The following SPIDR variants were observed in gnomAD, a reference collection of about 807,000 sequenced individuals.
SPIDR encodes scaffold protein involved in DNA repair, also known as DNA repair-scaffolding protein.
A neutral mutation model predicts 104.6 loss-of-function variants in SPIDR; 93 were observed. The ratio of observed to expected loss-of-function variants is 0.89; its 90% CI spans 0.75 to 1.06. The LOEUF (loss-of-function observed/expected upper bound fraction) is 1.06, where lower values mean the gene tolerates loss of function less well. SPIDR is among the 50% of genes least tolerant of loss of function. The pLI, the probability that SPIDR is intolerant of heterozygous loss-of-function variation, is 0.00. For missense variants in SPIDR, 1,154 were observed against 1,111.2 expected (o/e 1.04, Z -0.55); for synonymous variants, 431 against 416.9 (o/e 1.03, Z -0.41).
chr8:47,701,436 G>A (rs2154483424), intron 12 of SPIDR, among the ~76,000 whole-genome samples: 1 of 152,144 alleles, frequency 6.6e-6, no homozygotes, highest in East Asian at 1.9e-4. Context: ...TCAAAAAAAA[G>A]CCATTTCTAG....
chr8:47,606,346 C>T (rs923888339), intron 10 of SPIDR, among the ~76,000 whole-genome samples: 6 of 150,570 alleles, frequency 4.0e-5, no homozygotes, highest in African/African-American at 7.3e-5. Flanking sequence ...GATGAAACCC[C>T]GTCTTTACTA....
At chr8:47,277,046 A>T (rs2036574902) in intron 1 of SPIDR, 1 of 150,402 alleles carries the variant, frequency 6.6e-6, no homozygotes, top group Admixed American at 6.7e-5. Context: ...CTCCTGCCTC[A>T]GCCTCCCGAG....
intron 5 of SPIDR, among the ~76,000 whole-genome samples, chr8:47,392,176 A>G (rs1181979888): frequency 6.6e-6 from 1 of 152,120 alleles, no homozygotes; most frequent in Non-Finnish European, 1.5e-5. Flanking sequence ...CTGCATCTCC[A>G]ATTTGAAGAT....
intron 8 of SPIDR, among the ~76,000 whole-genome samples, chr8:47,569,239 C>T (rs188026524): frequency 2.0e-5 from 3 of 152,120 alleles, no homozygotes; most frequent in South Asian, 2.1e-4. Context: ...TATATATACA[C>T]CTAACAAAGG....
intron 14 of SPIDR, among the ~76,000 whole-genome samples, chr8:47,702,442 C>G (rs2080435443): frequency 1.3e-5 from 2 of 152,110 alleles, no homozygotes; most frequent in South Asian, 4.1e-4. Flanking sequence ...ATCTCAGGAT[C>G]GAGCTCAGCT....
Position 47,729,405 on chromosome 8 carries a change from G to C in SPIDR, c.2551-7G>C, listed in dbSNP as rs1285436783. ...AGTTTAACCCAGCCCTGCTTCTGCT[G>C]TTGCAGCTGTTGCAGCGCAGCATTT... On this transcript the variant is annotated splice_polypyrimidine_tract_variant and splice_region_variant and intron_variant, in intron 18 of 19. Coordinates refer to ENST00000297423, the MANE Select transcript of SPIDR (RefSeq NM_001080394.4). 6.3e-7 allele frequency: 1 copy of C among 1,587,544 alleles called. No individual in the cohort carries two copies. Among genetic ancestry groups the C allele is most frequent in the Non-Finnish European group, 8.6e-7 (1 of 1,166,974 alleles).
At chr8:47,629,837 A>G (rs1199755752) in intron 10 of SPIDR, among the ~76,000 whole-genome samples, 1 of 152,268 alleles carries the variant, frequency 6.6e-6, no homozygotes, top group Non-Finnish European at 1.5e-5. Flanking sequence ...TAATCTATAT[A>G]AATAGGTAAA....
intron 5 of SPIDR, among the ~76,000 whole-genome samples, chr8:47,317,189 A>C (rs1298660799): frequency 1.3e-5 from 2 of 152,178 alleles, no homozygotes; most frequent in Non-Finnish European, 2.9e-5. Flanking sequence ...GGGTCAGGGA[A>C]TTCCCTTTCC....
intron 5 of SPIDR, among the ~76,000 whole-genome samples, chr8:47,356,608 C>G (rs2054599954): frequency 6.6e-6 from 1 of 152,152 alleles, no homozygotes; most frequent in African/African-American, 2.4e-5. Flanking sequence ...AAGTAGACTG[C>G]TCATTAACAA....
At chr8:47,712,093 A>G (rs999163627) in intron 14 of SPIDR, among the ~76,000 whole-genome samples, 1 of 152,262 alleles carries the variant, frequency 6.6e-6, no homozygotes, top group Non-Finnish European at 1.5e-5. Context: ...AAAGGGCAGA[A>G]TACCAGTCTA....
At chr8:47,314,897 A>T (rs1554588432) in intron 5 of SPIDR, among the ~76,000 whole-genome samples, 1 of 152,202 alleles carries the variant, frequency 6.6e-6, no homozygotes, top group African/African-American at 2.4e-5. Flanking sequence ...TCTACCAGAG[A>T]TGCATTTTAA....
chr8:47,512,411 T>C (rs921921275), intron 8 of SPIDR, among the ~76,000 whole-genome samples: 5 of 152,216 alleles, frequency 3.3e-5, no homozygotes, highest in African/African-American at 9.6e-5. Context: ...AGTCCAAAAG[T>C]GTTTTGAAGA....
At chr8:47,677,531 C>T (rs1278781581) in intron 11 of SPIDR, among the ~76,000 whole-genome samples, 6 of 152,118 alleles carry the variant, frequency 3.9e-5, no homozygotes, top group African/African-American at 1.4e-4. Context: ...TTCTGTAGGC[C>T]TCTTGAAGGG....
rs1374489471 is a variant in SPIDR at position 47,485,118 on chromosome 8, C to CGACG, written c.1097+44577_1097+44580dup. ...CCTAGCCAAGGGAAGCTGTGATAGA[C>CGACG]GACGCCTGGAAAATCGGGTCACTCC... On this transcript the variant is annotated intron_variant, in intron 8 of 19. Transcript: ENST00000297423. 3.3e-5 allele frequency among the ~76,000 whole-genome samples: 5 copies of CGACG among 152,186 alleles called. No individual in the cohort carries two copies. The East Asian group carries it at 9.6e-4, about 29-fold the overall frequency.
chr8:47,553,752 T>A (rs1398845219), intron 8 of SPIDR, among the ~76,000 whole-genome samples: 1 of 152,232 alleles, frequency 6.6e-6, no homozygotes, highest in African/African-American at 2.4e-5. Flanking sequence ...TCTCTCAGTT[T>A]GTCAAAGTCA....
At chr8:47,599,882 C>G (rs1006490703) in intron 10 of SPIDR, among the ~76,000 whole-genome samples, 1 of 152,102 alleles carries the variant, frequency 6.6e-6, no homozygotes, top group Non-Finnish European at 1.5e-5. Flanking sequence ...TTCTCGTGCC[C>G]AAGTAGCTGG....
At chr8:47,711,967 C>T (rs932500642) in intron 14 of SPIDR, among the ~76,000 whole-genome samples, 1 of 152,132 alleles carries the variant, frequency 6.6e-6, no homozygotes, top group South Asian at 2.1e-4. Flanking sequence ...CTGACCACAC[C>T]GTCTGTGCCA....
chr8:47,608,713 A>G (rs182779420), intron 10 of SPIDR, among the ~76,000 whole-genome samples: 81 of 152,180 alleles, frequency 5.3e-4, no homozygotes, highest in African/African-American at 1.9e-3. Context: ...AATGTTGAGC[A>G]TCTTTTCTTT....
At chr8:47,328,178 CTTAGGTTTTT>C in intron 5 of SPIDR, among the ~76,000 whole-genome samples, 1 of 151,870 alleles carries the variant, frequency 6.6e-6, no homozygotes, top group East Asian at 1.9e-4. Context: ...TCTATGTTTT[CTTAGGTTTTT>C]GCTCTTCTAT....
Sources: allele counts gnomAD v4.1 joint callset (sites outside exome capture counted in the v4.1 genomes callset), GRCh38; gene constraint gnomAD v4.1.1; transcripts MANE v1.5; gene names NCBI Gene and HGNC (gene_info 2026-07-23, HGNC 2026-07-21).